Variants in PPM1H observed in about 807,000 individuals in gnomAD.
PPM1H encodes protein phosphatase, Mg2+/Mn2+ dependent 1H, also known as protein phosphatase 1H.
Under a neutral mutation model 54.9 loss-of-function variants are expected in PPM1H, and 27 were observed. The observed-to-expected ratio is 0.49, with a 90% CI of 0.36 to 0.68. PPM1H has a LOEUF of 0.68. Among genes scored for constraint, PPM1H ranks in the 30% least tolerant of loss-of-function variants. The pLI is 0.00. For synonymous variants in PPM1H, 305 were observed against 270.8 expected (o/e 1.13, Z -1.24); for missense variants, 596 against 667.8 (o/e 0.89, Z 1.19).
At chr12:62,895,439 T>C (rs1446390553) in intron 1 of PPM1H, among the ~76,000 whole-genome samples, 1 of 152,208 alleles carries the variant, frequency 6.6e-6, no homozygotes, top group Non-Finnish European at 1.5e-5. Context: ...TGGTTCTCAA[T>C]GTGTAGTGCT....
At chr12:62,911,724 G>T (rs1871465569) in intron 1 of PPM1H, among the ~76,000 whole-genome samples, 1 of 152,182 alleles carries the variant, frequency 6.6e-6, no homozygotes, top group East Asian at 1.9e-4. Flanking sequence ...TCCCTCTACT[G>T]CATGCCCATC....
intron 1 of PPM1H, among the ~76,000 whole-genome samples, chr12:62,881,384 G>A (rs1490726358): frequency 6.6e-6 from 1 of 151,934 alleles, no homozygotes. Flanking sequence ...CTGATAATCA[G>A]TGGAAGGCAG....
chr12:62,929,408 A>G (rs1872064413), intron 1 of PPM1H, among the ~76,000 whole-genome samples: 1 of 152,248 alleles, frequency 6.6e-6, no homozygotes, highest in African/African-American at 2.4e-5. Flanking sequence ...TCACAGAACT[A>G]TAAAGGCACC....
At chr12:62,803,925 T>C (rs565948237) in intron 2 of PPM1H, among the ~76,000 whole-genome samples, 1 of 152,180 alleles carries the variant, frequency 6.6e-6, no homozygotes, top group Non-Finnish European at 1.5e-5. Context: ...TCATCAAAGA[T>C]GACATAAAAT....
chr12:62,877,762 G>C (rs1428881763), intron 1 of PPM1H, among the ~76,000 whole-genome samples: 2 of 152,124 alleles, frequency 1.3e-5, no homozygotes, highest in African/African-American at 4.8e-5. Flanking sequence ...AGTGAAACCA[G>C]GAGAACACAC....
At chr12:62,765,072 T>C (rs1252630193) in intron 4 of PPM1H, among the ~76,000 whole-genome samples, 1 of 151,892 alleles carries the variant, frequency 6.6e-6, no homozygotes, top group Non-Finnish European at 1.5e-5. Context: ...GAGAGGAGGG[T>C]TTATCTTTTA....
At chr12:62,756,745 T>C (rs898082421) in intron 4 of PPM1H, among the ~76,000 whole-genome samples, 1 of 151,490 alleles carries the variant, frequency 6.6e-6, no homozygotes, top group Admixed American at 6.6e-5. Context: ...AGGAGCCAAT[T>C]GAACGGCCGA....
intron 1 of PPM1H, among the ~76,000 whole-genome samples, chr12:62,865,718 G>A (rs1000494805): frequency 2.0e-5 from 3 of 151,946 alleles, no homozygotes; most frequent in Non-Finnish European, 4.4e-5. Flanking sequence ...GGCTGGTCTC[G>A]AACCCTGGGA....
chr12:62,690,272 C>A (rs552296793), intron 7 of PPM1H, among the ~76,000 whole-genome samples: 16 of 152,316 alleles, frequency 1.1e-4, no homozygotes, highest in African/African-American at 3.4e-4. Flanking sequence ...TCAACACCAG[C>A]TATGTCCTTA....
At chr12:62,819,569 C>T (rs114289510) in intron 2 of PPM1H, among the ~76,000 whole-genome samples, 338 of 152,308 alleles carry the variant, frequency 2.2e-3, no homozygotes, top group African/African-American at 7.9e-3. Context: ...TAGAAAACTT[C>T]AACCACATCC....
At chr12:62,700,471 C>A (rs1186803848) in intron 6 of PPM1H, among the ~76,000 whole-genome samples, 1 of 152,206 alleles carries the variant, frequency 6.6e-6, no homozygotes, top group African/African-American at 2.4e-5. Flanking sequence ...GAACTTGTCA[C>A]CTTCTCAATT....
intron 2 of PPM1H, among the ~76,000 whole-genome samples, chr12:62,830,631 A>T (rs1207740832): frequency 6.6e-6 from 1 of 152,170 alleles, no homozygotes; most frequent in Non-Finnish European, 1.5e-5. Flanking sequence ...AAAGTGGTAG[A>T]CTGCACAGTC....
intron 1 of PPM1H, among the ~76,000 whole-genome samples, chr12:62,852,885 A>G (rs1869248496): frequency 6.6e-6 from 1 of 152,250 alleles, no homozygotes; most frequent in Non-Finnish European, 1.5e-5. Flanking sequence ...GCTAGAAAGT[A>G]TTCTTCCCAA....
rs1045213456 is a variant in PPM1H at position 62,648,639 on chromosome 12, A to G, written c.1398-3T>C. 1 of 1,613,582 alleles carries G rather than the reference A, an allele frequency of 6.2e-7. No homozygotes were observed. The highest frequency in any genetic ancestry group is 1.3e-5 in the African/African-American group (1 of 75,042). ...GGTCCTGAGCTGCCAGTGTGTACCT[A>G]CACAGGAGAACCAGGAACGAGACAG... On this transcript the variant is annotated splice_polypyrimidine_tract_variant and splice_region_variant and intron_variant, in intron 9 of 9. Transcript: ENST00000228705.
At position 62,853,087 on chromosome 12, in the gene PPM1H, C is replaced by T. The variant is rs564357801; in HGVS notation, c.246-20808G>A. Among the ~76,000 whole-genome samples the T allele has an allele frequency of 3.1e-4, 47 of 150,378 alleles. 1 individual carries two copies. The South Asian group carries it at 8.4e-3, about 27-fold the overall frequency. On this transcript the variant is annotated intron_variant, in intron 1 of 9. Coordinates refer to ENST00000228705, the MANE Select transcript of PPM1H (RefSeq NM_020700.2). ...TAAAAAGACATTTCTGGGATGGGGGCGGTGGAAATGCAAATATGGACCATA... is the reference window on the plus strand; with the variant it reads ...TAAAAAGACATTTCTGGGATGGGGGTGGTGGAAATGCAAATATGGACCATA...
intron 8 of PPM1H, among the ~76,000 whole-genome samples, chr12:62,681,447 G>A (rs969205116): frequency 2.8e-4 from 43 of 152,022 alleles, no homozygotes; most frequent in Admixed American, 2.5e-3. Context: ...CCATGGTTAC[G>A]GCTAAGATAT....
intron 4 of PPM1H, among the ~76,000 whole-genome samples, chr12:62,762,543 C>T (rs1007531887): frequency 3.9e-5 from 6 of 152,178 alleles, no homozygotes; most frequent in African/African-American, 1.4e-4. Flanking sequence ...AGCAGACACA[C>T]CTGACAGCAG....
intron 9 of PPM1H, among the ~76,000 whole-genome samples, chr12:62,658,480 A>ACC (rs149313721): frequency 1.1e-3 from 165 of 151,358 alleles, no homozygotes; most frequent in African/African-American, 3.7e-3. Context: ...TTCCCAGGAG[A>ACC]CCCCCCCACT....
chr12:62,738,477 A>C (rs73312491), intron 4 of PPM1H, among the ~76,000 whole-genome samples: 95 of 152,254 alleles, frequency 6.2e-4, no homozygotes, highest in African/African-American at 2.2e-3. Flanking sequence ...GCGTTCCCCA[A>C]AGCAGATGTC....
Sources: allele counts gnomAD v4.1 joint callset (sites outside exome capture counted in the v4.1 genomes callset), GRCh38; gene constraint gnomAD v4.1.1; transcripts MANE v1.5; gene names NCBI Gene and HGNC (gene_info 2026-07-23, HGNC 2026-07-21).